TMEM64: variants seen among roughly 807,000 people sequenced by gnomAD.
The protein encoded by TMEM64 is transmembrane protein 64.
TMEM64 carries 19 observed loss-of-function variants against 24.5 expected under a neutral mutation model. That is an observed-to-expected ratio of 0.78 (90% CI 0.54 to 1.14). The LOEUF is 1.14. TMEM64 is among the 50% of genes most tolerant of loss of function. TMEM64 has a pLI of 0.00. For synonymous variants in TMEM64, 262 were observed against 224.7 expected (o/e 1.17, Z -1.49); for missense variants, 487 against 493.0 (o/e 0.99, Z 0.12).
intron 2 of TMEM64, among the ~76,000 whole-genome samples, 154 bp from the exon 3 acceptor site, chr8:90,626,016 T>C (rs759902110): frequency 7.2e-5 from 11 of 152,202 alleles, no homozygotes; most frequent in Non-Finnish European, 1.5e-4. Flanking sequence ...TTACACACAG[T>C]TATTGTTTAT....
rs114381340 is a variant in TMEM64, at chr8:90,639,965, C to A, written c.795+5146G>T. ...TATAGATTAGTGAATTGTAAGCCTA[C>A]ATATGACACAAAAACTGCAGAAGCT... is the stretch of plus-strand genomic sequence containing the variant. On this transcript the variant is annotated intron_variant, in intron 1 of 2. Coordinates refer to ENST00000458549, the MANE Select transcript of TMEM64 (RefSeq NM_001008495.4). 8.6e-3 allele frequency among the ~76,000 whole-genome samples: 1,315 copies of A among 152,118 alleles called. 27 individuals carry two copies. The highest frequency in any genetic ancestry group is 0.031 in the African/African-American group (1,267 of 41,500).
rs1809341256 is a variant in TMEM64, at chr8:90,625,395, A to G, written c.*276T>C. The G allele has an allele frequency of 7.2e-6, 2 of 278,624 alleles. No homozygotes were observed. Among genetic ancestry groups the G allele is most frequent in the Non-Finnish European group, 1.3e-5 (2 of 149,214 alleles). The allele number at this position is 278,624 out of a possible 1,614,324, so 17.3% of individuals were successfully genotyped here. A position where few individuals can be genotyped will look rare whatever the true frequency, so the allele number is the denominator to read the frequency against. On this transcript the variant is annotated 3_prime_UTR_variant, in exon 3 of 3. Coordinates refer to ENST00000458549, the MANE Select transcript of TMEM64 (RefSeq NM_001008495.4). ...TATTTGGGTTATTTCTCTGTTCGTA[A>G]ATACACAGAAATAAAACAATTAAAA...
chr8:90,642,372 C>T (rs1383812246), intron 1 of TMEM64, among the ~76,000 whole-genome samples: 1 of 151,678 alleles, frequency 6.6e-6, no homozygotes, highest in African/African-American at 2.4e-5. Context: ...AGATGAATTT[C>T]TCTAATTATG....
At chr8:90,632,053 T>A (rs1809447493) in intron 1 of TMEM64, among the ~76,000 whole-genome samples, 1 of 152,220 alleles carries the variant, frequency 6.6e-6, no homozygotes, top group Admixed American at 6.5e-5. Context: ...ATAAGCATTC[T>A]TAATTAGCAG....
chr8:90,636,324 C>T (rs189827189), intron 1 of TMEM64, among the ~76,000 whole-genome samples: 100 of 152,258 alleles, frequency 6.6e-4, no homozygotes, highest in African/African-American at 2.1e-3. Context: ...GGCACGATCT[C>T]GGCTCACTGC....
intron 1 of TMEM64, among the ~76,000 whole-genome samples, chr8:90,642,499 C>A (rs538628805): frequency 2.8e-4 from 42 of 151,922 alleles, no homozygotes; most frequent in Non-Finnish European, 4.7e-4. Context: ...AAGGGGGCAG[C>A]TATGGTCAGC....
At chr8:90,643,131 T>C (rs746279142) in intron 1 of TMEM64, among the ~76,000 whole-genome samples, 1 of 152,142 alleles carries the variant, frequency 6.6e-6, no homozygotes, top group Non-Finnish European at 1.5e-5. Context: ...GCCCTTACTA[T>C]TTACCCATGA....
chr8:90,633,393 T>C (rs2130501437), intron 1 of TMEM64, among the ~76,000 whole-genome samples: 1 of 152,340 alleles, frequency 6.6e-6, no homozygotes, highest in African/African-American at 2.4e-5. Context: ...AAACCTTGAT[T>C]GCAGCATTGT....
Position 90,645,744 on chromosome 8 carries a change from C to A in TMEM64, c.162G>T (p.Ala54=), listed in dbSNP as rs1025765507. 9.0e-7 allele frequency: 1 copy of A among 1,105,666 alleles called. No homozygotes were observed. Among genetic ancestry groups the A allele is most frequent in the South Asian group, 4.3e-5 (1 of 23,222 alleles). The allele number at this position is 1,105,666 out of a possible 1,614,324, so 68.5% of individuals were successfully genotyped here. A position where few individuals can be genotyped will look rare whatever the true frequency, so the allele number is the denominator to read the frequency against. The change falls in exon 1 of 3, where the codon GCG becomes GCT. Residue 54 remains alanine (A), a synonymous_variant. Coordinates refer to ENST00000458549, the MANE Select transcript of TMEM64 (RefSeq NM_001008495.4). This position sits in a 1 kb window ranked among gnomAD's most constrained non-coding sequence, Gnocchi z 4.2. ...DRLPRGGGAS[A]AAAAAAASGA... ...CCGAGGCCGCCGCTGCTGCCGCCGC[C>A]GCGCTCGCCCCGCCCCCGCGGGGAA...
chr8:90,637,000 C>T (rs973614257), intron 1 of TMEM64, among the ~76,000 whole-genome samples: 1 of 152,108 alleles, frequency 6.6e-6, no homozygotes, highest in Admixed American at 6.5e-5. Context: ...CCCAGAGGTA[C>T]AGTGATATAC....
At chr8:90,642,103 C>T (rs1809612346) in intron 1 of TMEM64, among the ~76,000 whole-genome samples, 1 of 152,186 alleles carries the variant, frequency 6.6e-6, no homozygotes, top group African/African-American at 2.4e-5. Context: ...TTACAATCAG[C>T]TCCTGCTTCT....
chr8:90,622,961 T>C lies in TMEM64; in HGVS notation c.*2710A>G, dbSNP rs546490717. 3.3e-5 allele frequency: 5 copies of C among 152,276 alleles called. No individual in the cohort carries two copies. Among genetic ancestry groups the C allele is most frequent in the African/African-American group, 9.6e-5 (4 of 41,576 alleles). The allele number at this position is 152,276 out of a possible 1,614,324, so 9.4% of individuals were successfully genotyped here. ...TTATTTCACAAATCAGATGATCAAATAAAAATGGACATGAATATGCTTAGT... is the reference window on the plus strand; with the variant it reads ...TTATTTCACAAATCAGATGATCAAACAAAAATGGACATGAATATGCTTAGT... On this transcript the variant is annotated 3_prime_UTR_variant, in exon 3 of 3. Coordinates refer to ENST00000458549, the MANE Select transcript of TMEM64 (RefSeq NM_001008495.4).
rs1809348236 is a variant in TMEM64 at position 90,625,722 on chromosome 8, G to A, written c.1092C>T (p.Phe364=). 1 of 1,613,768 alleles carries A rather than the reference G, an allele frequency of 6.2e-7. No homozygotes were observed. Among genetic ancestry groups the A allele is most frequent in the Non-Finnish European group, 8.5e-7 (1 of 1,179,906 alleles). The change falls in exon 3 of 3, where the codon TTC becomes TTT. Residue 364 remains phenylalanine (F), a synonymous_variant. Coordinates refer to ENST00000458549, the MANE Select transcript of TMEM64 (RefSeq NM_001008495.4). ...AAAATGTTAGGGTCCTCTTGTTGTA[G>A]AATGAAGAGCCACTGGTATTTGGTT... The part of the protein sequence containing the change: ...GNQPNTSGSS[F]YNKRTLTFSG...
chr8:90,633,922 T>C (rs567479945), intron 1 of TMEM64, among the ~76,000 whole-genome samples: 146 of 152,318 alleles, frequency 9.6e-4, no homozygotes, highest in Non-Finnish European at 1.9e-3. Flanking sequence ...ATGTAGCATA[T>C]AGTTTTCGCT....
chr8:90,644,892 A>G (rs1809663886), intron 1 of TMEM64, among the ~76,000 whole-genome samples: 1 of 152,176 alleles, frequency 6.6e-6, no homozygotes, highest in African/African-American at 2.4e-5. Flanking sequence ...TAAAAGAAAC[A>G]TTAGTTTTTT....
chr8:90,625,063 T>C lies in TMEM64; in HGVS notation c.*608A>G, dbSNP rs2130492573. Reference sequence around the variant, plus strand: ...AGCACTTCAGTCCCACAAGGTAGGATTTAAGCTTTGTGAATAGGTGTAAAT... The same window carrying C: ...AGCACTTCAGTCCCACAAGGTAGGACTTAAGCTTTGTGAATAGGTGTAAAT... On this transcript the variant is annotated 3_prime_UTR_variant, in exon 3 of 3. Coordinates refer to ENST00000458549, the MANE Select transcript of TMEM64 (RefSeq NM_001008495.4). The C allele has an allele frequency of 6.5e-6, 1 of 152,696 alleles. No individual in the cohort carries two copies. The highest frequency in any genetic ancestry group is 1.9e-4 in the East Asian group (1 of 5,178). 9.5% of individuals were successfully genotyped at this position (152,696 alleles called of 1,614,324 possible).
At chr8:90,636,531 C>A (rs966440174) in intron 1 of TMEM64, among the ~76,000 whole-genome samples, 1 of 152,302 alleles carries the variant, frequency 6.6e-6, no homozygotes, top group South Asian at 2.1e-4. Flanking sequence ...TGGGATTACA[C>A]GCGTGAGCCA....
intron 1 of TMEM64, among the ~76,000 whole-genome samples, chr8:90,642,267 G>C (rs1195805429): frequency 6.6e-6 from 1 of 152,134 alleles, no homozygotes; most frequent in Non-Finnish European, 1.5e-5. Context: ...TGAGGAAATG[G>C]AGAAGGCCAG....
intron 1 of TMEM64, among the ~76,000 whole-genome samples, chr8:90,640,839 A>G (rs185223472): frequency 4.6e-5 from 7 of 152,278 alleles, no homozygotes; most frequent in Admixed American, 2.0e-4. Context: ...TCCAAAACAA[A>G]GAATCTATTT....
Sources: gnomAD v4.1 joint callset for allele counts (sites outside exome capture counted in the v4.1 genomes callset) on GRCh38, gnomAD v4.1.1 for gene constraint, Gnocchi (gnomAD v3.1) non-coding constraint, MANE v1.5 for transcripts, NCBI Gene and HGNC (gene_info 2026-07-23, HGNC 2026-07-21) for gene names.